NREP: variants seen among roughly 807,000 people sequenced by gnomAD.
The protein encoded by NREP is neuronal regeneration related protein.
Under a neutral mutation model 8.6 loss-of-function variants are expected in NREP, and 5 were observed. The ratio of observed to expected loss-of-function variants is 0.58; its 90% confidence interval spans 0.30 to 1.22. NREP has a LOEUF of 1.22. Ranked by LOEUF, NREP falls within the 50% of genes most tolerant of loss-of-function variation. NREP has a pLI of 0.07. For synonymous variants in NREP, 27 were observed against 28.0 expected (o/e 0.96, Z 0.11); for missense variants, 86 against 82.5 (o/e 1.04, Z -0.17).
intron 2 of NREP, among the ~76,000 whole-genome samples, chr5:111,904,522 C>T (rs1332338277): frequency 1.3e-5 from 2 of 152,048 alleles, no homozygotes; most frequent in East Asian, 3.9e-4. Context: ...GTAGGCTTTT[C>T]AGGCTGTTTT....
At chr5:111,853,891 G>C (rs979438874) in intron 2 of NREP, among the ~76,000 whole-genome samples, 2 of 152,126 alleles carry the variant, frequency 1.3e-5, no homozygotes, top group African/African-American at 4.8e-5. Context: ...CTCCTGAGCT[G>C]CTCTTGCGCA....
chr5:111,731,069 C>G (rs776919469), intron 3 of NREP, 23 bp from the exon 4 acceptor site: 7 of 1,606,272 alleles, frequency 4.4e-6, no homozygotes, highest in Admixed American at 1.7e-5. Flanking sequence ...CAGACCCACA[C>G]ACAGACAGAC....
upstream of NREP, among the ~76,000 whole-genome samples, chr5:111,762,333 G>A (rs1750978172): frequency 6.6e-6 from 1 of 152,104 alleles, no homozygotes; most frequent in Non-Finnish European, 1.5e-5. Flanking sequence ...TATACCTGTT[G>A]AATGTATAAC....
rs112099250 is a variant in NREP at position 111,831,828 on chromosome 5, T to G, written c.136-96321A>C. Among the ~76,000 whole-genome samples, 644 of 152,286 alleles carry G rather than the reference T, an allele frequency of 4.2e-3. 5 individuals are homozygous for G. Among genetic ancestry groups the G allele is most frequent in the African/African-American group, 0.015 (614 of 41,560 alleles). ...AAGTCTGGTTGGCACGCCCTCAAGA[T>G]AGCTGCCAGACAAAAAGGGCCTAGA... On this transcript the variant is annotated intron_variant, in intron 2 of 3. Transcript: ENST00000395634.
Position 111,825,290 on chromosome 5 carries a change from G to C in NREP, c.136-89783C>G, listed in dbSNP as rs186882981. 4.6e-5 allele frequency among the ~76,000 whole-genome samples: 7 copies of C among 152,250 alleles called. No individual in the cohort carries two copies. The East Asian group carries it at 1.3e-3, about 29-fold the overall frequency. Reference sequence around the variant, plus strand: ...GCAGCAATGTTCATATCAAAGCAAAGTGCTCATTGTTTCTACCTCTAGTCT... The same window carrying C: ...GCAGCAATGTTCATATCAAAGCAAACTGCTCATTGTTTCTACCTCTAGTCT... On this transcript the variant is annotated intron_variant, in intron 2 of 3. Coordinates refer to the NREP transcript ENST00000395634.
intron 2 of NREP, among the ~76,000 whole-genome samples, chr5:111,869,959 CTTACT>C (rs556190599): frequency 1.2e-3 from 185 of 152,268 alleles, no homozygotes; most frequent in African/African-American, 4.3e-3. Flanking sequence ...TTGTCTGTGA[CTTACT>C]TTAAAGAACT....
chr5:111,972,224 G>C (rs1171257012), intron 2 of NREP, among the ~76,000 whole-genome samples: 1 of 151,874 alleles, frequency 6.6e-6, no homozygotes. Context: ...TAATAGAAAA[G>C]GAAAAAAATA....
intron 2 of NREP, among the ~76,000 whole-genome samples, chr5:111,945,367 G>C (rs1755947789): frequency 6.6e-6 from 1 of 151,402 alleles, no homozygotes; most frequent in African/African-American, 2.4e-5. Context: ...GTGCCATGTT[G>C]GTGTGCTGCA....
At chr5:111,830,257 C>T (rs914544841) in intron 2 of NREP, among the ~76,000 whole-genome samples, 7 of 152,184 alleles carry the variant, frequency 4.6e-5, no homozygotes, top group South Asian at 2.1e-4. Context: ...AGATCGGACA[C>T]TCCTGTCTTA....
chr5:111,867,706 C>T (rs1355710464), intron 2 of NREP, among the ~76,000 whole-genome samples: 7 of 151,930 alleles, frequency 4.6e-5, no homozygotes, highest in South Asian at 4.2e-4. Context: ...ACAGAGCCAT[C>T]GAATAAGAAA....
chr5:111,765,881 C>T (rs1483162672), intron 2 of NREP, among the ~76,000 whole-genome samples: 1 of 152,072 alleles, frequency 6.6e-6, no homozygotes, highest in Non-Finnish European at 1.5e-5. Context: ...TCAGGCAGAA[C>T]GATTTGTAAA....
At chr5:111,832,467 C>G (rs4404725) in intron 2 of NREP, among the ~76,000 whole-genome samples, 18,364 of 152,100 alleles carry the variant, frequency 0.12, 2,702 homozygotes, top group African/African-American at 0.34. Context: ...CTGGGACGAG[C>G]TTGCAATGAG....
intron 2 of NREP, among the ~76,000 whole-genome samples, chr5:111,962,126 T>G (rs1756497122): frequency 6.6e-6 from 1 of 152,158 alleles, no homozygotes; most frequent in South Asian, 2.1e-4. Flanking sequence ...CTGTAAATAG[T>G]TCAGTTCCAG....
At chr5:111,848,042 G>A (rs149564000) in intron 2 of NREP, among the ~76,000 whole-genome samples, 12 of 152,262 alleles carry the variant, frequency 7.9e-5, no homozygotes, top group East Asian at 7.7e-4. Flanking sequence ...AACTCAACTG[G>A]TGGGTCCTGA....
chr5:111,901,528 T>G (rs1754647057), intron 2 of NREP, among the ~76,000 whole-genome samples: 1 of 152,064 alleles, frequency 6.6e-6, no homozygotes, highest in Non-Finnish European at 1.5e-5. Context: ...AAATTGTTCC[T>G]CTTGGCAGAT....
chr5:111,772,813 T>TCTA (rs1561660590), intron 2 of NREP, among the ~76,000 whole-genome samples: 2 of 152,218 alleles, frequency 1.3e-5, no homozygotes, highest in Non-Finnish European at 2.9e-5. Flanking sequence ...TTCTTTATTA[T>TCTA]GTATTATTAA....
chr5:111,805,767 G>C (rs1411121354), intron 2 of NREP, among the ~76,000 whole-genome samples: 5 of 58,908 alleles, frequency 8.5e-5, no homozygotes. Flanking sequence ...AGATAGAGAA[G>C]AGAAAATTTA....
At chr5:111,911,498 C>G (rs912415219) in intron 2 of NREP, among the ~76,000 whole-genome samples, 1 of 151,972 alleles carries the variant, frequency 6.6e-6, no homozygotes, top group African/African-American at 2.4e-5. Context: ...ATTGAGTAAG[C>G]ACATACTAAG....
At chr5:111,814,223 T>C (rs1291788879) in intron 2 of NREP, among the ~76,000 whole-genome samples, 1 of 152,144 alleles carries the variant, frequency 6.6e-6, no homozygotes, top group African/African-American at 2.4e-5. Context: ...CTTAGGACAC[T>C]GAACACCTGC....
Sources: allele counts gnomAD v4.1 joint callset (sites outside exome capture counted in the v4.1 genomes callset), GRCh38; gene constraint gnomAD v4.1.1; transcripts MANE v1.5; gene names NCBI Gene and HGNC (gene_info 2026-07-23, HGNC 2026-07-21).